The following SLC25A43 variants were observed in gnomAD, a reference collection of about 807,000 sequenced individuals.
SLC25A43 encodes the protein solute carrier family 25, member 43.
Under a neutral mutation model 22.8 loss-of-function variants are expected in SLC25A43, and 10 were observed. That is an observed-to-expected ratio of 0.44 (90% CI 0.27 to 0.74). SLC25A43 has a LOEUF of 0.74. Ranked by LOEUF, SLC25A43 falls within the 30% of genes least tolerant of loss-of-function variation. The pLI is 0.17. For synonymous variants in SLC25A43, 106 were observed against 121.6 expected, an observed-to-expected ratio of 0.87 and a Z score of 0.84; for missense variants, 233 against 279.1, an observed-to-expected ratio of 0.83 and a Z score of 1.18.
intron 3 of SLC25A43, among the ~76,000 whole-genome samples, chrX:119,429,595 A>G (rs893793959): frequency 1.1e-4 from 12 of 111,923 alleles, no homozygotes; most frequent in Admixed American, 2.9e-4. Flanking sequence ...AAAACCATAA[A>G]CACAACAAAT....
chrX:119,441,493 C>G (rs1239267706), intron 3 of SLC25A43, among the ~76,000 whole-genome samples: 2 of 111,209 alleles, frequency 1.8e-5, no homozygotes, highest in Admixed American at 9.6e-5. Context: ...TGGCTCCTCC[C>G]GCTTTGTTTT....
In SLC25A43 at chrX:119,453,959, T is replaced by C. The variant is rs1348186469; in HGVS notation, c.*894T>C. On this transcript the variant is annotated 3_prime_UTR_variant, in exon 5 of 5. Transcript: ENST00000217909. ...CACCATTGTAGTAGAATCATCCTTC[T>C]TTTTTGAAATTTGAAGCATCCCAGG... 2 of 112,610 alleles carry C rather than the reference T, an allele frequency of 1.8e-5. No homozygotes were observed. Among genetic ancestry groups the C allele is most frequent in the Admixed American group, 9.5e-5 (1 of 10,550 alleles). 9.3% of individuals were successfully genotyped at this position (112,610 alleles called of 1,213,427 possible).
chrX:119,427,563 T>C (rs1201238868), intron 3 of SLC25A43, among the ~76,000 whole-genome samples: 1 of 112,561 alleles, frequency 8.9e-6, no homozygotes, highest in Non-Finnish European at 1.9e-5. Flanking sequence ...ACATGGGTCA[T>C]GTGGTTCACA....
intron 3 of SLC25A43, among the ~76,000 whole-genome samples, chrX:119,430,492 T>G (rs1863541537): frequency 8.9e-6 from 1 of 111,931 alleles, no homozygotes; most frequent in Non-Finnish European, 1.9e-5. Context: ...ACAGTCTGGC[T>G]TCAGGGCCCA....
intron 1 of SLC25A43, among the ~76,000 whole-genome samples, chrX:119,401,702 A>G (rs535566155): frequency 9.1e-6 from 1 of 109,598 alleles, no homozygotes; most frequent in Middle Eastern, 4.7e-3. Flanking sequence ...CTTGGTATCC[A>G]AGGGTAGCTG....
At chrX:119,431,875 CA>C (rs1235284975) in intron 3 of SLC25A43, among the ~76,000 whole-genome samples, 2 of 110,972 alleles carry the variant, frequency 1.8e-5, no homozygotes, top group Non-Finnish European at 3.8e-5. Flanking sequence ...TAAGGGAGGC[CA>C]GGGGCGGTGG....
chrX:119,423,749 A>C (rs12846072), intron 3 of SLC25A43: 10,681 of 108,891 alleles, frequency 0.098, 702 homozygotes, highest in African/African-American at 0.23. Flanking sequence ...TATATGCTTA[A>C]CTGGCAGGGG....
In SLC25A43 at chrX:119,453,056, A is replaced by G. The variant is rs749666590; in HGVS notation, c.1017A>G (p.Pro339=). ...FKTRKPKPKK[P]TL is the part of the protein sequence containing the mutation. Reference sequence around the variant, plus strand: ...CGAGAAAACCGAAGCCTAAAAAACCAACTCTATAAAATGGAATGGAACTAG... The same window carrying G: ...CGAGAAAACCGAAGCCTAAAAAACCGACTCTATAAAATGGAATGGAACTAG... Residue 339 remains proline (P), a synonymous_variant, in exon 5 of 5, where the codon CCA becomes CCG. Transcript: ENST00000217909. The G allele has an allele frequency of 2.8e-5, 34 of 1,198,754 alleles. No individual in the cohort carries two copies. Among genetic ancestry groups the G allele is most frequent in the Non-Finnish European group, 3.7e-5 (33 of 885,436 alleles).
intron 3 of SLC25A43, among the ~76,000 whole-genome samples, chrX:119,429,270 TCCA>T (rs2052534189): frequency 9.0e-6 from 1 of 111,028 alleles, no homozygotes; most frequent in African/African-American, 3.3e-5. Context: ...CAGGATGGTC[TCCA>T]TCTCCTGACC....
chrX:119,418,807 G>A lies in SLC25A43; in HGVS notation c.690+8445G>A, dbSNP rs999793035. Among the ~76,000 whole-genome samples the A allele has an allele frequency of 3.6e-5, 4 of 111,993 alleles. No individual in the cohort carries two copies. In the East Asian group the frequency reaches 1.1e-3, roughly 32 times the overall value. Reference sequence around the variant, plus strand: ...CATGGAATGAGGTGCCCCCAACTTGGTGTGCTTTCACGGACCCCAACCACC... The same window carrying A: ...CATGGAATGAGGTGCCCCCAACTTGATGTGCTTTCACGGACCCCAACCACC... On this transcript the variant is annotated intron_variant, in intron 3 of 4. Coordinates refer to ENST00000217909, the MANE Select transcript of SLC25A43 (RefSeq NM_145305.3).
intron 3 of SLC25A43, among the ~76,000 whole-genome samples, chrX:119,427,104 C>T (rs1212351468): frequency 9.0e-6 from 1 of 110,617 alleles, no homozygotes; most frequent in Non-Finnish European, 1.9e-5. Context: ...CCCTATCTCA[C>T]CCCCAGGCAA....
At chrX:119,446,061 G>A (rs1328127305) in intron 3 of SLC25A43, among the ~76,000 whole-genome samples, 1 of 103,574 alleles carries the variant, frequency 9.7e-6, no homozygotes, top group East Asian at 3.1e-4. Context: ...GCTGAGGCAG[G>A]AGAATTGCTT....
chrX:119,399,924 G>C (rs1281622870), intron 1 of SLC25A43, among the ~76,000 whole-genome samples: 1 of 112,652 alleles, frequency 8.9e-6, no homozygotes, highest in African/African-American at 3.2e-5. Flanking sequence ...CCGCAGCCCT[G>C]GTCCGAGAGG....
chrX:119,426,643 C>T (rs1242674967), intron 3 of SLC25A43, among the ~76,000 whole-genome samples: 2 of 110,384 alleles, frequency 1.8e-5, no homozygotes, highest in Non-Finnish European at 3.8e-5. Context: ...GCCAACACGA[C>T]GAAACCCCGT....
intron 3 of SLC25A43, among the ~76,000 whole-genome samples, chrX:119,419,421 A>G (rs1037263016): frequency 4.5e-5 from 5 of 111,811 alleles, no homozygotes; most frequent in African/African-American, 1.6e-4. Flanking sequence ...TCCGAGTGGT[A>G]CAGCTGACTG....
In SLC25A43 at chrX:119,411,425, G is replaced by A. The variant is rs142227464; in HGVS notation, c.690+1063G>A. Among the ~76,000 whole-genome samples, 304 of 108,685 alleles carry A rather than the reference G, an allele frequency of 2.8e-3. 1 individual carries two copies. The highest frequency in any genetic ancestry group is 9.5e-3 in the African/African-American group (281 of 29,682). 94.4% of individuals were successfully genotyped at this position (108,685 alleles called of 115,157 possible). A position where few individuals can be genotyped will look rare whatever the true frequency, so the allele number is the denominator to read the frequency against. ...TAAGGCAGGAGAATCACTTGAACCC[G>A]GGAGGCAGAGGTTGCAGTGAGCCAA... On this transcript the variant is annotated intron_variant, in intron 3 of 4. Coordinates refer to ENST00000217909, the MANE Select transcript of SLC25A43 (RefSeq NM_145305.3).
intron 3 of SLC25A43, among the ~76,000 whole-genome samples, chrX:119,426,866 A>G (rs1367386103): frequency 9.1e-6 from 1 of 109,998 alleles, no homozygotes; most frequent in Non-Finnish European, 1.9e-5. Context: ...TCCTATGATT[A>G]CTATAAACAC....
chrX:119,409,731 T>C (rs940722585), intron 2 of SLC25A43, among the ~76,000 whole-genome samples: 1 of 110,511 alleles, frequency 9.0e-6, no homozygotes, highest in Non-Finnish European at 1.9e-5. Flanking sequence ...TTCTTCTGTC[T>C]CAGTCTCCCA....
At chrX:119,449,605 C>T (rs2052691539) in intron 3 of SLC25A43, among the ~76,000 whole-genome samples, 1 of 110,036 alleles carries the variant, frequency 9.1e-6, no homozygotes, top group Non-Finnish European at 1.9e-5. Flanking sequence ...TGGCACATGC[C>T]AGTAGTCCCA....
Sources: allele counts gnomAD v4.1 joint callset (sites outside exome capture counted in the v4.1 genomes callset), GRCh38; gene constraint gnomAD v4.1.1; transcripts MANE v1.5; gene names NCBI Gene and HGNC (gene_info 2026-07-23, HGNC 2026-07-21).